The following DOCK4 variants were observed in gnomAD, a reference collection of about 807,000 sequenced individuals.
DOCK4 encodes the protein dedicator of cytokinesis 4.
DOCK4 carries 97 observed loss-of-function variants against 268.1 expected under a neutral mutation model. The ratio of observed to expected loss-of-function variants is 0.36; its 90% CI spans 0.31 to 0.43. The LOEUF (loss-of-function observed/expected upper bound fraction) is 0.43, where lower values mean the gene tolerates loss of function less well. Ranked by LOEUF, DOCK4 falls within the 20% of genes least tolerant of loss-of-function variation. The pLI, the probability that DOCK4 is intolerant of heterozygous loss-of-function variation, is 1.00. For missense variants in DOCK4, 2,145 were observed against 2,455.7 expected, an observed-to-expected ratio of 0.87 and a Z score of 2.67; for synonymous variants, 954 against 887.2, an observed-to-expected ratio of 1.08 and a Z score of -1.34.
chr7:112,055,526 T>C (rs1805733315), intron 1 of DOCK4, among the ~76,000 whole-genome samples: 1 of 152,306 alleles, frequency 6.6e-6, no homozygotes, highest in African/African-American at 2.4e-5. Flanking sequence ...GACTTTTTTT[T>C]CTTCCCCATC....
chr7:112,027,294 G>A (rs11982254), intron 1 of DOCK4, among the ~76,000 whole-genome samples: 38,922 of 151,868 alleles, frequency 0.26, 6,431 homozygotes, highest in Non-Finnish European at 0.38. Context: ...GTGCAATCTC[G>A]GCTCACTGCA....
At chr7:111,805,460 T>C (rs1800605543) in intron 30 of DOCK4, among the ~76,000 whole-genome samples, 1 of 152,204 alleles carries the variant, frequency 6.6e-6, no homozygotes, top group Non-Finnish European at 1.5e-5. Flanking sequence ...TTTAGAATTA[T>C]AAAATATTTC....
chr7:112,180,655 T>C (rs1164715388), intron 1 of DOCK4, among the ~76,000 whole-genome samples: 1 of 152,150 alleles, frequency 6.6e-6, no homozygotes, highest in South Asian at 2.1e-4. Context: ...TGCCTGTAGA[T>C]ATATATATGT....
chr7:112,121,027 A>C (rs961053748), intron 1 of DOCK4, among the ~76,000 whole-genome samples: 1 of 152,250 alleles, frequency 6.6e-6, no homozygotes, highest in Non-Finnish European at 1.5e-5. Context: ...GATCTCAGTC[A>C]TCTTAGCATA....
chr7:111,837,076 C>A (rs1456264234), intron 25 of DOCK4, among the ~76,000 whole-genome samples: 1 of 151,870 alleles, frequency 6.6e-6, no homozygotes, highest in Admixed American at 6.6e-5. Context: ...TACACCAAGG[C>A]ACATCATAAT....
intron 12 of DOCK4, among the ~76,000 whole-genome samples, chr7:111,922,921 T>A (rs1019960846): frequency 2.0e-5 from 3 of 152,192 alleles, no homozygotes; most frequent in African/African-American, 7.2e-5. Context: ...CTCTGACTAG[T>A]TGTTTCAGTG....
intron 1 of DOCK4, among the ~76,000 whole-genome samples, chr7:112,188,784 AG>A (rs1819672540): frequency 6.6e-6 from 1 of 151,726 alleles, no homozygotes; most frequent in Non-Finnish European, 1.5e-5. Flanking sequence ...TTCACAGTAA[AG>A]GGTGTTGTTG....
intron 36 of DOCK4, among the ~76,000 whole-genome samples, chr7:111,771,910 A>G (rs1249584090): frequency 1.3e-5 from 2 of 152,096 alleles, no homozygotes; most frequent in Non-Finnish European, 2.9e-5. Flanking sequence ...TTGTCACTCA[A>G]ATTTCTTTTG....
intron 45 of DOCK4, 128 bp from the exon 46 acceptor site, chr7:111,741,789 C>T: frequency 2.3e-6 from 3 of 1,324,442 alleles, no homozygotes; most frequent in Non-Finnish European, 3.0e-6. Flanking sequence ...GCTATTAAAG[C>T]AAGTTCCAGT....
chr7:111,920,189 T>C (rs1273482454), intron 12 of DOCK4, among the ~76,000 whole-genome samples: 1 of 152,026 alleles, frequency 6.6e-6, no homozygotes, highest in Non-Finnish European at 1.5e-5. Context: ...GAAGTTTCAG[T>C]TGGACAAGAT....
intron 1 of DOCK4, among the ~76,000 whole-genome samples, chr7:112,101,363 C>A (rs1302951830): frequency 6.6e-6 from 1 of 152,198 alleles, no homozygotes; most frequent in African/African-American, 2.4e-5. Context: ...TAGCTCTCGT[C>A]CCCGGAGGGG....
chr7:111,759,375 T>A (rs1458662011), intron 40 of DOCK4, among the ~76,000 whole-genome samples: 1 of 152,210 alleles, frequency 6.6e-6, no homozygotes, highest in South Asian at 2.1e-4. Context: ...ATAGTTTATA[T>A]TTTTAAAAAT....
chr7:112,099,297 T>TAAA (rs34373613), intron 1 of DOCK4, among the ~76,000 whole-genome samples: 13 of 123,346 alleles, frequency 1.1e-4, no homozygotes, highest in Non-Finnish European at 1.5e-4. Context: ...GTCTCGGATT[T>TAAA]AAAAAAAAAA....
intron 37 of DOCK4, among the ~76,000 whole-genome samples, chr7:111,767,804 C>T (rs1231655132): frequency 1.3e-5 from 2 of 152,102 alleles, no homozygotes; most frequent in Non-Finnish European, 2.9e-5. Flanking sequence ...GACTGGTACC[C>T]TGGATTCCTT....
At chr7:112,196,824 A>C (rs1012436083) in intron 1 of DOCK4, among the ~76,000 whole-genome samples, 1 of 152,312 alleles carries the variant, frequency 6.6e-6, no homozygotes, top group East Asian at 1.9e-4. Flanking sequence ...ACTGATGTTG[A>C]TATCACCTTA....
intron 5 of DOCK4, among the ~76,000 whole-genome samples, 157 bp from the exon 6 acceptor site, chr7:111,989,320 C>A (rs1799316624): frequency 6.6e-6 from 1 of 152,240 alleles, no homozygotes; most frequent in African/African-American, 2.4e-5. Context: ...CGCTCACTAT[C>A]CTCAAACACA....
chr7:111,912,673 C>G (rs1304161632), intron 13 of DOCK4, among the ~76,000 whole-genome samples: 1 of 151,738 alleles, frequency 6.6e-6, no homozygotes, highest in Non-Finnish European at 1.5e-5. Context: ...AGATTAAGAT[C>G]AAGACAGAAA....
intron 1 of DOCK4, among the ~76,000 whole-genome samples, chr7:112,157,758 G>A (rs555687185): frequency 6.6e-6 from 1 of 152,276 alleles, no homozygotes; most frequent in South Asian, 2.1e-4. Context: ...AAAGCACAGG[G>A]CATGTGCTGA....
chr7:112,161,323 A>G (rs558757932), intron 1 of DOCK4, among the ~76,000 whole-genome samples: 5 of 152,360 alleles, frequency 3.3e-5, no homozygotes, highest in East Asian at 3.9e-4. Flanking sequence ...TCCACGTAAG[A>G]AAATTTCATA....
Sources: allele counts gnomAD v4.1 joint callset (sites outside exome capture counted in the v4.1 genomes callset), GRCh38; gene constraint gnomAD v4.1.1; transcripts MANE v1.5; gene names NCBI Gene and HGNC (gene_info 2026-07-23, HGNC 2026-07-21).